ARID5B: variants seen among roughly 807,000 people sequenced by gnomAD.
ARID5B encodes the protein AT-rich interactive domain-containing protein 5B.
In ARID5B, 13 loss-of-function variants were observed where a neutral mutation model predicts 97.2. The observed-to-expected ratio is 0.13, with a 90% confidence interval of 0.09 to 0.21. The LOEUF (loss-of-function observed/expected upper bound fraction) is 0.21. ARID5B is among the 10% of genes least tolerant of loss of function. The probability of loss-of-function intolerance (pLI) is 1.00; values close to 1 mark genes in which losing one functional copy is unlikely to be tolerated. For synonymous variants in ARID5B, 556 were observed against 570.3 expected (o/e 0.97, Z 0.36); for missense variants, 1,210 against 1,465.3 (o/e 0.83, Z 2.84).
chr10:61,904,918 A>G (rs894983728), intron 2 of ARID5B, among the ~76,000 whole-genome samples: 9 of 152,222 alleles, frequency 5.9e-5, no homozygotes, highest in Non-Finnish European at 1.3e-4. Flanking sequence ...GGCCTAAGTT[A>G]GTCATTCATT....
intron 4 of ARID5B, among the ~76,000 whole-genome samples, chr10:62,038,333 CAT>C (rs1215341556): frequency 6.6e-6 from 1 of 150,584 alleles, no homozygotes; most frequent in Non-Finnish European, 1.5e-5. Context: ...ATAAGTCCCA[CAT>C]GTTGCCTATT....
At chr10:62,012,185 T>C (rs1191612274) in intron 4 of ARID5B, among the ~76,000 whole-genome samples, 1 of 152,148 alleles carries the variant, frequency 6.6e-6, no homozygotes, top group Non-Finnish European at 1.5e-5. Flanking sequence ...TCTTGCTTAA[T>C]CATTACAGCA....
chr10:62,013,605 A>T (rs1839245739), intron 4 of ARID5B, among the ~76,000 whole-genome samples: 1 of 151,882 alleles, frequency 6.6e-6, no homozygotes, highest in Admixed American at 6.6e-5. Context: ...GCCCCTGGTG[A>T]CCACCATTCT....
intron 3 of ARID5B, among the ~76,000 whole-genome samples, chr10:61,995,315 T>C (rs982163234): frequency 6.6e-6 from 1 of 152,244 alleles, no homozygotes; most frequent in Non-Finnish European, 1.5e-5. Flanking sequence ...AGCCCTTGTT[T>C]CATGGGTAAC....
chr10:61,995,482 A>G (rs1275666040), intron 3 of ARID5B, among the ~76,000 whole-genome samples: 2 of 152,184 alleles, frequency 1.3e-5, no homozygotes, highest in Non-Finnish European at 2.9e-5. Flanking sequence ...ACACTTTAGT[A>G]TTTTTATAGC....
intron 3 of ARID5B, among the ~76,000 whole-genome samples, chr10:61,944,526 C>A (rs1014319496): frequency 1.1e-4 from 16 of 151,866 alleles, no homozygotes; most frequent in African/African-American, 3.9e-4. Context: ...AAAAAAAAAT[C>A]AAATTATTTT....
At chr10:61,915,697 G>A (rs1286243575) in intron 2 of ARID5B, among the ~76,000 whole-genome samples, 1 of 152,188 alleles carries the variant, frequency 6.6e-6, no homozygotes, top group Non-Finnish European at 1.5e-5. Context: ...GGCAAGCTAA[G>A]GCAAACTAAG....
rs557540198 is a variant in ARID5B at position 61,913,847 on chromosome 10, A to T, written c.276+11434A>T. Among the ~76,000 whole-genome samples, 5 of 152,244 alleles carry T rather than the reference A, an allele frequency of 3.3e-5. No homozygotes were observed. The South Asian group carries it at 1.0e-3, about 32-fold the overall frequency. ...GCTCACCGCAACCTCCGCCTCCCAG[A>T]TTCAAGCGATTCTCCTGCCTCAGCC... is the stretch of plus-strand genomic sequence containing the variant. On this transcript the variant is annotated intron_variant, in intron 2 of 9. Transcript: ENST00000279873.
At chr10:62,032,755 T>A (rs1054765447) in intron 4 of ARID5B, among the ~76,000 whole-genome samples, 1 of 152,086 alleles carries the variant, frequency 6.6e-6, no homozygotes, top group Non-Finnish European at 1.5e-5. Flanking sequence ...GATCGGTGAA[T>A]ATTGGATGTT....
intron 8 of ARID5B, among the ~76,000 whole-genome samples, chr10:62,074,373 G>A (rs1197417563): frequency 2.0e-5 from 3 of 152,116 alleles, no homozygotes; most frequent in Admixed American, 2.0e-4. Flanking sequence ...GGACAAGATT[G>A]TCACCCTGCA....
chr10:62,018,797 A>G (rs190090377), intron 4 of ARID5B, among the ~76,000 whole-genome samples: 3 of 152,198 alleles, frequency 2.0e-5, no homozygotes, highest in East Asian at 3.9e-4. Context: ...ATGTGTTGCT[A>G]TATTTACAGT....
chr10:62,042,893 T>A (rs1212723724), intron 4 of ARID5B, among the ~76,000 whole-genome samples: 1 of 129,644 alleles, frequency 7.7e-6, no homozygotes, highest in African/African-American at 3.0e-5. Flanking sequence ...CCAACCTGGG[T>A]GAAAGAGCGA....
At chr10:61,955,752 G>C (rs1838383601) in intron 3 of ARID5B, among the ~76,000 whole-genome samples, 1 of 152,186 alleles carries the variant, frequency 6.6e-6, no homozygotes, top group South Asian at 2.1e-4. Flanking sequence ...CTGGGTTCAA[G>C]TGATTCTCCT....
intron 3 of ARID5B, among the ~76,000 whole-genome samples, chr10:61,976,081 C>T (rs1184437319): frequency 3.9e-5 from 6 of 152,130 alleles, no homozygotes; most frequent in Admixed American, 3.9e-4. Context: ...GTAGTCTTTG[C>T]CTTTATAAAT....
chr10:61,958,788 C>T (rs1266406208), intron 3 of ARID5B, among the ~76,000 whole-genome samples: 1 of 152,192 alleles, frequency 6.6e-6, no homozygotes, highest in Non-Finnish European at 1.5e-5. Flanking sequence ...CCGATAAGTG[C>T]ATAGTGGTTC....
chr10:61,923,227 T>G (rs1844047791), intron 2 of ARID5B, among the ~76,000 whole-genome samples: 1 of 152,174 alleles, frequency 6.6e-6, no homozygotes, highest in Non-Finnish European at 1.5e-5. Flanking sequence ...GCCCACAGTG[T>G]CCTGTGTTCT....
intron 8 of ARID5B, among the ~76,000 whole-genome samples, chr10:62,073,488 T>C (rs1840091088): frequency 6.6e-6 from 1 of 152,220 alleles, no homozygotes; most frequent in African/African-American, 2.4e-5. Context: ...AATGGTACAA[T>C]GCTTGTGAAT....
chr10:61,989,983 C>T (rs1393347688), intron 3 of ARID5B, among the ~76,000 whole-genome samples: 11 of 152,184 alleles, frequency 7.2e-5, no homozygotes, highest in African/African-American at 2.4e-5. Flanking sequence ...ATTGCTGGCT[C>T]ATTCTTGGGC....
At position 62,092,055 on chromosome 10, in the gene ARID5B, A is replaced by T. The variant is rs750837260; in HGVS notation, c.2592A>T (p.Glu864Asp). Residue 864 changes from glutamate (E) to aspartate (D), a missense_variant, in exon 10 of 10, where the codon GAA (glutamate) becomes GAT (aspartate). By Grantham distance (45) the Glu-to-Asp change is conservative. Around this residue, in one of 8 missense-constraint regions of ARID5B, gnomAD observed 800 missense variants for 839.1 expected, o/e 0.95. Coordinates refer to ENST00000279873, the MANE Select transcript of ARID5B (RefSeq NM_032199.3). ...SKYPSRDMYR[E>D]SENSSFPSHR... ...ACCCTTCCAGGGACATGTACAGGGA[A>T]TCGGAAAACAGTTCTTTTCCTTCCC... The T allele has an allele frequency of 6.2e-7, 1 of 1,614,186 alleles. No homozygotes were observed. The highest frequency in any genetic ancestry group is 2.2e-5 in the East Asian group (1 of 44,894).
Sources: allele counts gnomAD v4.1 joint callset (sites outside exome capture counted in the v4.1 genomes callset), GRCh38; gene constraint gnomAD v4.1.1; regional missense constraint gnomAD v4.1.1; transcripts MANE v1.5; gene names NCBI Gene and HGNC (gene_info 2026-07-23, HGNC 2026-07-21).